The following PECR variants were observed in gnomAD, a reference collection of about 807,000 sequenced individuals.
PECR encodes the protein peroxisomal trans-2-enoyl-CoA reductase.
PECR carries 30 observed loss-of-function variants against 35.3 expected under a neutral mutation model. That is an observed-to-expected ratio of 0.85 (90% CI 0.64 to 1.15). The LOEUF is 1.15. PECR is among the 50% of genes most tolerant of loss of function. The pLI is 0.00. For synonymous variants in PECR, 148 were observed against 138.9 expected (o/e 1.07, Z -0.46); for missense variants, 392 against 370.8 (o/e 1.06, Z -0.47).
chr2:216,077,008 C>T (rs1402341494), intron 1 of PECR, among the ~76,000 whole-genome samples: 3 of 147,700 alleles, frequency 2.0e-5, no homozygotes, highest in African/African-American at 7.6e-5. Context: ...TTCAGCGATT[C>T]TCCTGCCTCA....
At chr2:216,031,681 AAG>A (rs1371742409) in intron 7 of PECR, among the ~76,000 whole-genome samples, 4 of 115,562 alleles carry the variant, frequency 3.5e-5, no homozygotes, top group African/African-American at 1.6e-4. Context: ...GAAAGAAAGA[AAG>A]AAAGAAAGAG....
Position 216,039,050 on chromosome 2 carries a change from T to G in PECR, c.*225A>C, listed in dbSNP as rs972141323. On this transcript the variant is annotated 3_prime_UTR_variant, in exon 8 of 8. Coordinates refer to ENST00000265322, the MANE Select transcript of PECR (RefSeq NM_018441.6). ...AATAAAAAGTAAAGTCATTAAAATA[T>G]GTTAATTTCTGTTACTTATACATTT... 2.5e-6 allele frequency: 1 copy of G among 398,606 alleles called. No individual in the cohort carries two copies. Among genetic ancestry groups the G allele is most frequent in the African/African-American group, 2.0e-5 (1 of 49,266 alleles). 24.7% of individuals were successfully genotyped at this position (398,606 alleles called of 1,614,324 possible).
At chr2:216,058,078 C>T (rs1695262773) in intron 4 of PECR, 8 of 152,158 alleles carry the variant, frequency 5.3e-5, no homozygotes, top group Admixed American at 5.2e-4. Flanking sequence ...GTGGCTGAAC[C>T]TAACATGCCC....
intron 4 of PECR, among the ~76,000 whole-genome samples, chr2:216,056,247 A>G (rs1695223253): frequency 6.6e-6 from 1 of 152,140 alleles, no homozygotes; most frequent in African/African-American, 2.4e-5. Context: ...GAGAGCTAAA[A>G]TTTAAAAAAA....
chr2:216,047,212 C>G (rs1284859872), intron 6 of PECR, among the ~76,000 whole-genome samples: 1 of 150,336 alleles, frequency 6.7e-6, no homozygotes, highest in Non-Finnish European at 1.5e-5. Flanking sequence ...GAGCCGAGAT[C>G]GTGCCACCGC....
intron 1 of PECR, among the ~76,000 whole-genome samples, chr2:216,073,996 G>A (rs148798832): frequency 4.5e-4 from 68 of 152,328 alleles, no homozygotes; most frequent in African/African-American, 1.6e-3. Context: ...AAATAGCTGA[G>A]CTTATCAGTG....
At chr2:216,042,050 C>T (rs941267459) in intron 7 of PECR, among the ~76,000 whole-genome samples, 1 of 152,148 alleles carries the variant, frequency 6.6e-6, no homozygotes, top group Non-Finnish European at 1.5e-5. Flanking sequence ...AAGAGGGGGT[C>T]GTGGGAACCC....
downstream of PECR, among the ~76,000 whole-genome samples, chr2:216,037,051 T>C (rs1245902167): frequency 6.6e-6 from 1 of 151,796 alleles, no homozygotes; most frequent in Non-Finnish European, 1.5e-5. Flanking sequence ...AAGATACATG[T>C]GTATTTTTTC....
chr2:216,033,350 T>C (rs1694740561), intron 7 of PECR, among the ~76,000 whole-genome samples: 1 of 152,134 alleles, frequency 6.6e-6, no homozygotes, highest in Admixed American at 6.5e-5. Flanking sequence ...TAATTTTGCA[T>C]ACAAATTCCT....
intron 1 of PECR, among the ~76,000 whole-genome samples, chr2:216,074,431 A>T (rs1695645223): frequency 6.7e-6 from 1 of 149,930 alleles, no homozygotes; most frequent in Non-Finnish European, 1.5e-5. Context: ...GACTGTGTCA[A>T]GAAAGAAAGA....
intron 1 of PECR, among the ~76,000 whole-genome samples, chr2:216,075,903 T>C (rs1025609265): frequency 6.6e-6 from 1 of 152,226 alleles, no homozygotes; most frequent in Non-Finnish European, 1.5e-5. Context: ...ACCTAATTTA[T>C]GTTCTACTGT....
intron 1 of PECR, among the ~76,000 whole-genome samples, chr2:216,069,910 T>C (rs1462583002): frequency 1.4e-5 from 2 of 144,534 alleles, no homozygotes; most frequent in African/African-American, 5.2e-5. Flanking sequence ...CACCCCAGCC[T>C]GGGTGACAAG....
intron 7 of PECR, among the ~76,000 whole-genome samples, chr2:216,031,479 A>G (rs961960014): frequency 7.7e-6 from 1 of 130,546 alleles, no homozygotes; most frequent in Admixed American, 8.3e-5. Flanking sequence ...AAGAAAGAGA[A>G]AGAAAGAAAG....
intron 1 of PECR, among the ~76,000 whole-genome samples, chr2:216,073,345 C>T (rs1308957750): frequency 6.6e-6 from 1 of 152,194 alleles, no homozygotes; most frequent in Admixed American, 6.5e-5. Context: ...GGAAGTTAAA[C>T]ATTCTTATCA....
chr2:216,034,279 T>G (rs562648230), downstream of PECR, among the ~76,000 whole-genome samples: 2 of 152,334 alleles, frequency 1.3e-5, no homozygotes, highest in South Asian at 2.1e-4. Flanking sequence ...AGAAACCCCT[T>G]AGACCTCCTG....
At chr2:216,031,959 TA>T (rs951387156) in intron 7 of PECR, among the ~76,000 whole-genome samples, 2 of 152,250 alleles carry the variant, frequency 1.3e-5, no homozygotes, top group African/African-American at 4.8e-5. Flanking sequence ...CAAGGATTTT[TA>T]AAAGGCTTCA....
At chr2:216,044,086 C>A in intron 6 of PECR, 71 bp from the exon 7 acceptor site, 1 of 782,152 alleles carries the variant, frequency 1.3e-6, no homozygotes, top group Non-Finnish European at 2.3e-6. Flanking sequence ...TCACATTCCC[C>A]AGTAAAGGCA....
Position 216,039,431 on chromosome 2 carries a change from CTTGTTAAT to C in PECR, c.827-79_827-72del, listed in dbSNP as rs566938059. The C allele has an allele frequency of 2.6e-5, 22 of 856,000 alleles. No homozygotes were observed. In the East Asian group the frequency reaches 5.1e-4, roughly 20 times the overall value. 53.0% of individuals were successfully genotyped at this position (856,000 alleles called of 1,614,324 possible). A position where few individuals can be genotyped will look rare whatever the true frequency, so the allele number is the denominator to read the frequency against. On this transcript the variant is annotated intron_variant, in intron 7 of 7. Transcript: ENST00000265322. ...GCCCTCTTCACTCCCACCAAATCCTCTTGTTAATTTCCCTGGTTCACACATTTTCTCAG... is the reference window on the plus strand; with the variant it reads ...GCCCTCTTCACTCCCACCAAATCCTCTTCCCTGGTTCACACATTTTCTCAG...
At chr2:216,079,744 G>C (rs1213571590) in intron 1 of PECR, among the ~76,000 whole-genome samples, 1 of 149,554 alleles carries the variant, frequency 6.7e-6, no homozygotes, top group Non-Finnish European at 1.5e-5. Context: ...TACTTTGGGA[G>C]GCCGAGGCGG....
Sources: allele counts gnomAD v4.1 joint callset (sites outside exome capture counted in the v4.1 genomes callset), GRCh38; gene constraint gnomAD v4.1.1; transcripts MANE v1.5; gene names NCBI Gene and HGNC (gene_info 2026-07-23, HGNC 2026-07-21).